The following EVL variants were observed in gnomAD, a reference collection of about 807,000 sequenced individuals.
The protein encoded by EVL is Enah/Vasp-like, also known as ena/VASP-like protein.
A neutral mutation model predicts 59.6 loss-of-function variants in EVL; 21 were observed. The observed-to-expected ratio is 0.35, with a 90% confidence interval of 0.25 to 0.51. EVL has a LOEUF of 0.51. Ranked by LOEUF, EVL falls within the 20% of genes least tolerant of loss-of-function variation. The pLI, the probability that EVL is intolerant of heterozygous loss-of-function variation, is 0.97. For missense variants in EVL, 462 were observed against 546.6 expected, an observed-to-expected ratio of 0.85 and a Z score of 1.54; for synonymous variants, 198 against 203.5, an observed-to-expected ratio of 0.97 and a Z score of 0.23.
chr14:100,010,690 G>A (rs1039503121), intron 1 of EVL, among the ~76,000 whole-genome samples: 1 of 152,202 alleles, frequency 6.6e-6, no homozygotes, highest in Non-Finnish European at 1.5e-5. Context: ...GAGCCACTGT[G>A]CCCAGCAGGT....
chr14:100,019,578 A>G (rs2061085136), intron 1 of EVL: 1 of 1,225,668 alleles, frequency 8.2e-7, no homozygotes. Context: ...ATTTTTCTGC[A>G]CTTTGCACCA....
chr14:100,021,100 AAGT>A (rs1203005218), intron 1 of EVL, among the ~76,000 whole-genome samples: 6 of 152,210 alleles, frequency 3.9e-5, no homozygotes, highest in Admixed American at 2.0e-4. Context: ...AATTTGTAGA[AAGT>A]AGCGCAATTG....
At chr14:100,044,151 C>T (rs962045552) in intron 1 of EVL, among the ~76,000 whole-genome samples, 4 of 152,126 alleles carry the variant, frequency 2.6e-5, no homozygotes, top group Non-Finnish European at 5.9e-5. Flanking sequence ...TCGATCACAT[C>T]CTCTTTCTAT....
At chr14:100,023,477 G>C (rs1476864527) in intron 1 of EVL, among the ~76,000 whole-genome samples, 1 of 146,846 alleles carries the variant, frequency 6.8e-6, no homozygotes, top group African/African-American at 2.5e-5. Context: ...ACAGGCATAT[G>C]CCACCATGCC....
intron 1 of EVL, among the ~76,000 whole-genome samples, chr14:100,077,470 A>G (rs1032388598): frequency 2.0e-5 from 3 of 152,232 alleles, no homozygotes; most frequent in Non-Finnish European, 2.9e-5. Flanking sequence ...TCCAACAGTT[A>G]GAAATATGGC....
intron 12 of EVL, 90 bp from the exon 13 acceptor site, chr14:100,141,646 G>A: frequency 8.0e-7 from 1 of 1,246,622 alleles, no homozygotes; most frequent in Non-Finnish European, 1.1e-6. Flanking sequence ...AGGCCCAGGA[G>A]ACCCCAAGCC....
chr14:100,139,660 T>TA (rs1889038110), intron 11 of EVL: 1 of 152,294 alleles, frequency 6.6e-6, no homozygotes, highest in Non-Finnish European at 1.5e-5. Flanking sequence ...TCTTCATCCT[T>TA]ATTCTCCCTG....
chr14:100,099,469 G>T (rs180939666), intron 3 of EVL, among the ~76,000 whole-genome samples: 4 of 152,264 alleles, frequency 2.6e-5, no homozygotes, highest in Admixed American at 2.6e-4. Context: ...CCCATGGGTC[G>T]TGCGTAGAGC....
chr14:100,054,315 A>G (rs2061693536), intron 1 of EVL, among the ~76,000 whole-genome samples: 1 of 152,024 alleles, frequency 6.6e-6, no homozygotes, highest in South Asian at 2.1e-4. Flanking sequence ...GGCCTCCCAA[A>G]GTGCTGGGAA....
rs748708703 is a variant in EVL, at chr14:100,137,545, G to A, written c.965-33G>A. 26 of 1,611,750 alleles carry A rather than the reference G, an allele frequency of 1.6e-5. 1 individual carries two copies. In the South Asian group the frequency reaches 2.5e-4, roughly 16 times the overall value. On this transcript the variant is annotated intron_variant, in intron 9 of 13. Transcript: ENST00000392920. Reference sequence around the variant, plus strand: ...GGGTGGCTACTGAGTCCCTTCACCTGTGAGGTTCTTCATCCATGAAATGAA... The same window carrying A: ...GGGTGGCTACTGAGTCCCTTCACCTATGAGGTTCTTCATCCATGAAATGAA...
At chr14:100,064,079 A>G (rs1022607831), upstream of EVL, among the ~76,000 whole-genome samples, 5 of 152,254 alleles carry the variant, frequency 3.3e-5, no homozygotes, top group Admixed American at 3.3e-4. Context: ...GTGGTTTGCA[A>G]CTAAAACAGT....
intron 1 of EVL, among the ~76,000 whole-genome samples, chr14:100,021,318 A>G (rs1412224217): frequency 6.6e-6 from 1 of 152,074 alleles, no homozygotes; most frequent in Non-Finnish European, 1.5e-5. Context: ...ATTAAAGGCC[A>G]TTGCACTGAT....
At chr14:100,088,343 C>T (rs1372797026) in intron 2 of EVL, among the ~76,000 whole-genome samples, 1 of 152,136 alleles carries the variant, frequency 6.6e-6, no homozygotes, top group Non-Finnish European at 1.5e-5. Flanking sequence ...TCTTTTTACC[C>T]AGAGGCCCCC....
intron 2 of EVL, among the ~76,000 whole-genome samples, chr14:100,090,183 G>GA (rs987966198): frequency 1.3e-5 from 2 of 151,634 alleles, no homozygotes; most frequent in African/African-American, 2.4e-5. Flanking sequence ...TTGGTTCTTT[G>GA]AAAAAAAATT....
chr14:100,027,420 C>T (rs181526123), intron 1 of EVL, among the ~76,000 whole-genome samples: 284 of 152,292 alleles, frequency 1.9e-3, no homozygotes, highest in Non-Finnish European at 3.4e-3. Context: ...ACCCTTCCCA[C>T]CTCTGATAAC....
At chr14:100,085,599 T>C (rs1051169023) in intron 2 of EVL, among the ~76,000 whole-genome samples, 1 of 152,214 alleles carries the variant, frequency 6.6e-6, no homozygotes, top group African/African-American at 2.4e-5. Flanking sequence ...AAAAAGTCTA[T>C]ATAAACAGCA....
At chr14:100,037,291 G>A (rs1001048496) in intron 1 of EVL, among the ~76,000 whole-genome samples, 1 of 152,202 alleles carries the variant, frequency 6.6e-6, no homozygotes, top group Non-Finnish European at 1.5e-5. Flanking sequence ...TTTCTCCAAG[G>A]TGTAGCATCC....
At chr14:100,131,067 C>G (rs903015307) in intron 7 of EVL, among the ~76,000 whole-genome samples, 1 of 152,178 alleles carries the variant, frequency 6.6e-6, no homozygotes, top group African/African-American at 2.4e-5. Flanking sequence ...CCCCCTGTGC[C>G]TGGAGAGCTA....
chr14:100,004,057 A>G (rs2060963017), intron 1 of EVL, among the ~76,000 whole-genome samples: 1 of 152,250 alleles, frequency 6.6e-6, no homozygotes, highest in Non-Finnish European at 1.5e-5. Context: ...TACAAAAATT[A>G]GCTGCATGTG....
Sources: gnomAD v4.1 joint callset for allele counts (sites outside exome capture counted in the v4.1 genomes callset) on GRCh38, gnomAD v4.1.1 for gene constraint, MANE v1.5 for transcripts, NCBI Gene and HGNC (gene_info 2026-07-23, HGNC 2026-07-21) for gene names.